The following PON1 variants were observed in gnomAD, a reference collection of about 807,000 sequenced individuals.
PON1 encodes serum paraoxonase/arylesterase 1.
A neutral mutation model predicts 39.2 loss-of-function variants in PON1; 37 were observed. The ratio of observed to expected loss-of-function variants is 0.94; its 90% CI spans 0.73 to 1.24. The LOEUF is 1.24. Ranked by LOEUF, PON1 falls within the 50% of genes most tolerant of loss-of-function variation. The pLI is 0.00. For synonymous variants in PON1, 148 were observed against 152.2 expected, an observed-to-expected ratio of 0.97 and a Z score of 0.21; for missense variants, 397 against 413.5, an observed-to-expected ratio of 0.96 and a Z score of 0.35.
chr7:95,309,334 G>A (rs566417329), intron 5 of PON1, among the ~76,000 whole-genome samples: 11 of 149,692 alleles, frequency 7.3e-5, no homozygotes, highest in East Asian at 5.9e-4. Context: ...AAAAGGTCTC[G>A]GAATTTAGGA....
At chr7:95,314,622 T>C (rs1807726260) in intron 4 of PON1, among the ~76,000 whole-genome samples, 2 of 152,166 alleles carry the variant, frequency 1.3e-5, no homozygotes, top group South Asian at 4.1e-4. Context: ...GAAAAACTTT[T>C]AACAACTACT....
chr7:95,319,528 G>A (rs866364199), intron 1 of PON1, among the ~76,000 whole-genome samples: 19 of 152,096 alleles, frequency 1.2e-4, no homozygotes, highest in African/African-American at 4.3e-4. Context: ...AGAGTAAAGA[G>A]CCACCAGTCT....
chr7:95,311,666 G>T, intron 4 of PON1, 89 bp from the exon 5 acceptor site: 2 of 1,358,992 alleles, frequency 1.5e-6, no homozygotes, highest in Non-Finnish European at 2.1e-6. Flanking sequence ...CCCACCTCCA[G>T]CTAGTAGTTA....
At chr7:95,315,621 G>A (rs1807751582) in intron 3 of PON1, 131 bp from the exon 4 acceptor site, 2 of 935,330 alleles carry the variant, frequency 2.1e-6, no homozygotes, top group Non-Finnish European at 3.4e-6. Context: ...CACATAGGAA[G>A]CCTCTTAGTT....
At chr7:95,306,488 C>CTT (rs1807544239) in intron 6 of PON1, 122 bp from the exon 7 acceptor site, 1 of 751,298 alleles carries the variant, frequency 1.3e-6, no homozygotes, top group African/African-American at 1.7e-5. Flanking sequence ...ATGGAACCCA[C>CTT]CTCAAACACA....
intron 1 of PON1, among the ~76,000 whole-genome samples, chr7:95,321,475 C>T (rs796590158): frequency 9.2e-5 from 14 of 152,330 alleles, no homozygotes; most frequent in African/African-American, 2.9e-4. Context: ...ATTCAAATTG[C>T]TTTTCATGGC....
chr7:95,298,626 T>G lies in PON1; in HGVS notation c.*318A>C. On this transcript the variant is annotated 3_prime_UTR_variant, in exon 9 of 9. Transcript: ENST00000222381. ...CACATGTGCTTCCAGGCAACACATG[T>G]TTTAGGGTAAGTACTTTTGGGGTCA... 2.5e-6 allele frequency: 1 copy of G among 404,786 alleles called. No homozygotes were observed. The highest frequency in any genetic ancestry group is 4.7e-6 in the Non-Finnish European group (1 of 214,030). The allele number at this position is 404,786 out of a possible 1,614,324, so 25.1% of individuals were successfully genotyped here.
chr7:95,315,467 C>A lies in PON1; in HGVS notation c.225G>T (p.Lys75Asn). 1 of 1,614,020 alleles carries A rather than the reference C, an allele frequency of 6.2e-7. No homozygotes were observed. The highest frequency in any genetic ancestry group is 8.5e-7 in the Non-Finnish European group (1 of 1,179,964). ...TTCCAGGACTGTTGGGGTTGAAGCTCTTTATTCCAGGATACTTTAATCCCT... is the reference window on the plus strand; with the variant it reads ...TTCCAGGACTGTTGGGGTTGAAGCTATTTATTCCAGGATACTTTAATCCCT... ...ISSGLKYPGI[K>N]SFNPNSPGKI... Residue 75 changes from lysine to asparagine, a missense_variant, in exon 4 of 9, where the codon AAG becomes AAT. Coordinates refer to ENST00000222381, the MANE Select transcript of PON1 (RefSeq NM_000446.7).
At chr7:95,311,607 C>T (rs745912697) in intron 4 of PON1, 30 bp from the exon 5 acceptor site, 2 of 1,613,468 alleles carry the variant, frequency 1.2e-6, no homozygotes, top group Admixed American at 1.7e-5. Context: ...AAAAATGAAA[C>T]ATTAACTAAG....
chr7:95,302,462 C>T, intron 7 of PON1, 129 bp from the exon 8 acceptor site: 2 of 777,960 alleles, frequency 2.6e-6, no homozygotes, highest in Non-Finnish European at 4.2e-6. Flanking sequence ...GGATACAATT[C>T]TGCCCCATTT....
intron 1 of PON1, among the ~76,000 whole-genome samples, chr7:95,320,692 G>A (rs949140907): frequency 1.3e-5 from 2 of 152,200 alleles, no homozygotes; most frequent in African/African-American, 4.8e-5. Flanking sequence ...AAAGCTGGAA[G>A]ATGCACCTGA....
chr7:95,299,217 C>T, intron 8 of PON1, 115 bp from the exon 9 acceptor site: 2 of 1,176,790 alleles, frequency 1.7e-6, no homozygotes, highest in Non-Finnish European at 2.5e-6. Context: ...TGAGATAAAT[C>T]CTATTTTGTT....
In PON1 at chr7:95,321,433, G is replaced by A. The variant is rs4344018; in HGVS notation, c.74+2969C>T. Among the ~76,000 whole-genome samples, 1,508 of 152,320 alleles carry A rather than the reference G, an allele frequency of 9.9e-3. 25 individuals carry two copies. The highest frequency in any genetic ancestry group is 0.034 in the African/African-American group (1,419 of 41,564). ...CTTGGGGCCAAATTCACTCTAATCA[G>A]TCTATTTTCTGCTACTACACACGCC... On this transcript the variant is annotated intron_variant, in intron 1 of 8. Coordinates refer to ENST00000222381, the MANE Select transcript of PON1 (RefSeq NM_000446.7).
At chr7:95,324,168 C>T (rs969739576) in intron 1 of PON1, among the ~76,000 whole-genome samples, 7 of 152,224 alleles carry the variant, frequency 4.6e-5, no homozygotes, top group Non-Finnish European at 5.9e-5. Flanking sequence ...AACCTGGGCA[C>T]TCACACCCCT....
chr7:95,308,744 C>A (rs549251930), intron 5 of PON1, among the ~76,000 whole-genome samples: 1 of 152,230 alleles, frequency 6.6e-6, no homozygotes, highest in African/African-American at 2.4e-5. Flanking sequence ...GTCAGGACCT[C>A]AGTTTTCTTA....
At chr7:95,304,233 G>A (rs532874594) in intron 7 of PON1, among the ~76,000 whole-genome samples, 11 of 150,580 alleles carry the variant, frequency 7.3e-5, no homozygotes, top group African/African-American at 1.7e-4. Flanking sequence ...TTAGTAAATC[G>A]TACAATATTT....
intron 1 of PON1, among the ~76,000 whole-genome samples, chr7:95,322,240 G>A (rs915641799): frequency 2.0e-5 from 3 of 150,170 alleles, no homozygotes; most frequent in African/African-American, 2.4e-5. Flanking sequence ...AAAAGCTAAC[G>A]TTTACAGGAC....
chr7:95,318,282 C>T (rs373567317), intron 2 of PON1, 41 bp downstream of exon 2: 8 of 1,519,280 alleles, frequency 5.3e-6, no homozygotes, highest in African/African-American at 4.1e-5. Context: ...AAAAAAATAC[C>T]GGAAGTTCAA....
intron 1 of PON1, 165 bp from the exon 2 acceptor site, chr7:95,318,558 G>A: frequency 1.6e-6 from 1 of 618,172 alleles, no homozygotes; most frequent in East Asian, 2.9e-5. Context: ...CAAGACAAGT[G>A]GGGAACTCTG....
Sources: allele counts gnomAD v4.1 joint callset (sites outside exome capture counted in the v4.1 genomes callset), GRCh38; gene constraint gnomAD v4.1.1; transcripts MANE v1.5; gene names NCBI Gene and HGNC (gene_info 2026-07-23, HGNC 2026-07-21).